Variants in MEGF11 observed in about 807,000 individuals in gnomAD.
The protein encoded by MEGF11 is multiple EGF like domains 11, also known as multiple epidermal growth factor-like domains protein 11.
MEGF11 carries 126 observed loss-of-function variants against 146.6 expected under a neutral mutation model. The ratio of observed to expected loss-of-function variants is 0.86; its 90% CI spans 0.74 to 1.00. MEGF11 has a LOEUF of 1.00. Ranked by LOEUF, MEGF11 falls within the 50% of genes least tolerant of loss-of-function variation. The probability of loss-of-function intolerance (pLI) is 0.00; values close to 1 mark genes in which losing one functional copy is unlikely to be tolerated. For missense variants in MEGF11, 1,509 were observed against 1,521.2 expected (o/e 0.99, Z 0.13); for synonymous variants, 532 against 583.4 (o/e 0.91, Z 1.27).
chr15:65,992,452 G>GGC lies in MEGF11; in HGVS notation c.395-9965_395-9964insGC, dbSNP rs1241518019. Among the ~76,000 whole-genome samples, 146 of 23,454 alleles carry GGC rather than the reference G, an allele frequency of 6.2e-3. 3 individuals are homozygous for GGC. The South Asian group carries it at 0.069, about 11-fold the overall frequency. The allele number at this position is 23,454 out of a possible 152,430, so 15.4% of individuals were successfully genotyped here. A position where few individuals can be genotyped will look rare whatever the true frequency, so the allele number is the denominator to read the frequency against. On this transcript the variant is annotated intron_variant, in intron 5 of 25. Transcript: ENST00000395614. ...GTTTGTGCCTCTGTGTGTGTGTGTG[G>GGC]GGGGGGGGGTTAGTCACATCCTGAG...
chr15:66,195,697 TA>T (rs2090991327), intron 1 of MEGF11, among the ~76,000 whole-genome samples: 1 of 152,216 alleles, frequency 6.6e-6, no homozygotes, highest in African/African-American at 2.4e-5. Context: ...CCCCACTGGC[TA>T]GGGACAGCCA....
At position 65,990,735 on chromosome 15, in the gene MEGF11, GAAAA is replaced by G. The variant is rs760872112; in HGVS notation, c.395-8251_395-8248del. Among the ~76,000 whole-genome samples the G allele has an allele frequency of 3.4e-5, 4 of 116,674 alleles. No homozygotes were observed. In the South Asian group the frequency reaches 1.2e-3, roughly 35 times the overall value. 76.5% of individuals were successfully genotyped at this position (116,674 alleles called of 152,430 possible). On this transcript the variant is annotated intron_variant, in intron 5 of 25. Transcript: ENST00000395614. ...AGGAAGAAAGAAAGAAAGAAAGAAA[GAAAA>G]AGAAAGAAACAAACAAACACTGGTA...
chr15:66,217,464 C>T (rs1567287628), intron 1 of MEGF11, among the ~76,000 whole-genome samples: 1 of 152,232 alleles, frequency 6.6e-6, no homozygotes, highest in Non-Finnish European at 1.5e-5. Context: ...CTACCCACTC[C>T]TCCCAGGTAC....
At chr15:66,178,988 A>C (rs979787687) in intron 1 of MEGF11, among the ~76,000 whole-genome samples, 6 of 152,156 alleles carry the variant, frequency 3.9e-5, no homozygotes, top group Non-Finnish European at 7.3e-5. Context: ...AAACCCCATA[A>C]ATTCCTGTAG....
chr15:66,085,168 C>T (rs1037051529), intron 5 of MEGF11, among the ~76,000 whole-genome samples: 3 of 152,116 alleles, frequency 2.0e-5, no homozygotes, highest in Admixed American at 6.5e-5. Context: ...GTAGCCGCAG[C>T]GAGATCTGCC....
intron 5 of MEGF11, among the ~76,000 whole-genome samples, chr15:65,995,274 C>A (rs528460200): frequency 1.3e-5 from 2 of 152,206 alleles, no homozygotes; most frequent in Non-Finnish European, 2.9e-5. Context: ...CCCAAACTCT[C>A]CATGGGGAAA....
chr15:65,942,136 G>C (rs59177152), intron 10 of MEGF11, among the ~76,000 whole-genome samples: 18,055 of 152,208 alleles, frequency 0.12, 1,915 homozygotes, highest in East Asian at 0.61. Context: ...GAAAGGGAAG[G>C]GGCAACTGAT....
intron 5 of MEGF11, among the ~76,000 whole-genome samples, chr15:66,047,376 C>A (rs1223090018): frequency 6.6e-6 from 1 of 152,166 alleles, no homozygotes; most frequent in African/African-American, 2.4e-5. Flanking sequence ...CTACCACTTC[C>A]TAGCTAGGCG....
chr15:66,147,664 G>T (rs777705526), intron 1 of MEGF11, among the ~76,000 whole-genome samples: 5 of 152,224 alleles, frequency 3.3e-5, no homozygotes, highest in Admixed American at 6.5e-5. Context: ...CGAGGCAGCA[G>T]AAGTGGCTCT....
intron 22 of MEGF11, among the ~76,000 whole-genome samples, chr15:65,909,516 G>T (rs923288446): frequency 7.2e-5 from 11 of 152,070 alleles, no homozygotes; most frequent in Middle Eastern, 3.2e-3. Context: ...CCCTGGCCCT[G>T]GTTTTCTCCC....
At chr15:66,201,019 C>T (rs1026672) in intron 1 of MEGF11, among the ~76,000 whole-genome samples, 39,963 of 151,940 alleles carry the variant, frequency 0.26, 5,868 homozygotes, top group East Asian at 0.59. Context: ...ACACCCCATT[C>T]AGAAGGTAGG....
At chr15:66,244,306 C>A (rs1278697483) in intron 1 of MEGF11, among the ~76,000 whole-genome samples, 1 of 152,152 alleles carries the variant, frequency 6.6e-6, no homozygotes, top group African/African-American at 2.4e-5. Context: ...AAGTCCTCTC[C>A]TGCTCGTTAC....
chr15:65,925,539 C>A (rs548565427), intron 13 of MEGF11, among the ~76,000 whole-genome samples: 2 of 152,226 alleles, frequency 1.3e-5, no homozygotes, highest in African/African-American at 2.4e-5. Flanking sequence ...AAGGGGCTGG[C>A]CTTGGCCTTT....
At chr15:66,035,300 TGCC>T (rs2083686871) in intron 5 of MEGF11, among the ~76,000 whole-genome samples, 1 of 151,266 alleles carries the variant, frequency 6.6e-6, no homozygotes, top group Admixed American at 6.6e-5. Context: ...CTGCTGCTGC[TGCC>T]GCTGGTGCTG....
chr15:66,158,260 C>T (rs1406248229), intron 1 of MEGF11, among the ~76,000 whole-genome samples: 1 of 152,264 alleles, frequency 6.6e-6, no homozygotes, highest in African/African-American at 2.4e-5. Flanking sequence ...ATTCCTCTTC[C>T]TGTGTGCAGA....
chr15:66,124,859 G>A (rs2088257185), intron 2 of MEGF11, among the ~76,000 whole-genome samples: 1 of 152,266 alleles, frequency 6.6e-6, no homozygotes, highest in African/African-American at 2.4e-5. Context: ...ATGCTGAAGT[G>A]AGGACTCATG....
At position 66,221,513 on chromosome 15, in the gene MEGF11, C is replaced by T. The variant is rs182414526; in HGVS notation, c.-9+32092G>A. Among the ~76,000 whole-genome samples, 96 of 151,926 alleles carry T rather than the reference C, an allele frequency of 6.3e-4. 1 individual carries two copies. Among genetic ancestry groups the T allele is most frequent in the Non-Finnish European group, 1.0e-3 (69 of 67,990 alleles). ...CGTTCACCCTTTCCAGTCAGACCACCGGCTCCTAAGGACTCAGACCATACC... is the reference window on the plus strand; with the variant it reads ...CGTTCACCCTTTCCAGTCAGACCACTGGCTCCTAAGGACTCAGACCATACC... On this transcript the variant is annotated intron_variant, in intron 1 of 25. Transcript: ENST00000395614.
chr15:66,234,845 G>GA (rs577673973), intron 1 of MEGF11, among the ~76,000 whole-genome samples: 115 of 148,978 alleles, frequency 7.7e-4, no homozygotes, highest in African/African-American at 2.8e-3. Flanking sequence ...AGAAATTAAA[G>GA]ATGAAAATTA....
At chr15:66,185,838 TAA>T (rs1374574383) in intron 1 of MEGF11, among the ~76,000 whole-genome samples, 1 of 152,050 alleles carries the variant, frequency 6.6e-6, no homozygotes, top group African/African-American at 2.4e-5. Flanking sequence ...TCCTAGGAAT[TAA>T]AGAGGCAGGG....
Sources: gnomAD v4.1 joint callset for allele counts (sites outside exome capture counted in the v4.1 genomes callset) on GRCh38, gnomAD v4.1.1 for gene constraint, MANE v1.5 for transcripts, NCBI Gene and HGNC (gene_info 2026-07-23, HGNC 2026-07-21) for gene names.